HELLS: variants seen among roughly 807,000 people sequenced by gnomAD.
The protein encoded by HELLS is helicase, lymphoid specific, also known as lymphoid-specific helicase.
In HELLS, 32 loss-of-function variants were observed where a neutral mutation model predicts 120.0. That is an observed-to-expected ratio of 0.27 (90% confidence interval 0.20 to 0.36). The LOEUF (loss-of-function observed/expected upper bound fraction) is 0.36, where lower values mean the gene tolerates loss of function less well. HELLS is among the 10% of genes least tolerant of loss of function. HELLS has a pLI of 1.00. For synonymous variants in HELLS, 341 were observed against 323.4 expected (o/e 1.05, Z -0.58); for missense variants, 650 against 993.4 (o/e 0.65, Z 4.65).
intron 15 of HELLS, among the ~76,000 whole-genome samples, chr10:94,591,834 G>A (rs571114214): frequency 6.6e-6 from 1 of 152,296 alleles, no homozygotes; most frequent in South Asian, 2.1e-4. Context: ...TTACTTATCA[G>A]CTCCTGTATT....
chr10:94,560,954 G>A (rs888191628), intron 4 of HELLS, among the ~76,000 whole-genome samples: 6 of 151,700 alleles, frequency 4.0e-5, no homozygotes, highest in Non-Finnish European at 7.4e-5. Flanking sequence ...TACTCGGGAG[G>A]CTGACACAGG....
chr10:94,605,458 A>T (rs559608569), downstream of HELLS, among the ~76,000 whole-genome samples: 2 of 152,114 alleles, frequency 1.3e-5, no homozygotes, highest in Non-Finnish European at 2.9e-5. Context: ...TCCCAAGAAA[A>T]GAATTCAAGG....
chr10:94,575,769 G>A (rs1262188186), intron 9 of HELLS, among the ~76,000 whole-genome samples: 1 of 89,720 alleles, frequency 1.1e-5, no homozygotes. Flanking sequence ...GGGGGGTTGT[G>A]TTTGTGTGTG....
At chr10:94,565,631 A>C (rs1843754034) in intron 6 of HELLS, among the ~76,000 whole-genome samples, 2 of 152,322 alleles carry the variant, frequency 1.3e-5, no homozygotes, top group Admixed American at 1.3e-4. Flanking sequence ...CGGAGGTTGC[A>C]GTGAGCTGAG....
chr10:94,546,478 G>C lies in HELLS; in HGVS notation c.133G>C (p.Glu45Gln), dbSNP rs750048312. 2.5e-6 allele frequency: 4 copies of C among 1,614,124 alleles called. No individual in the cohort carries two copies. The highest frequency in any genetic ancestry group is 1.3e-5 in the African/African-American group (1 of 75,046). ...GCTTGAAGCTGCTGGACTAGAGAGA[G>C]AGCGGAAGATGCTGGAAAAGGTAAT... ...EQLEAAGLERERKMLEKARMS... is the reference protein window; with the variant it reads ...EQLEAAGLERQRKMLEKARMS... Residue 45 changes from glutamate to glutamine, a missense_variant, in exon 2 of 22, where the codon GAG (glutamate) becomes CAG (glutamine). Coordinates refer to ENST00000348459, the MANE Select transcript of HELLS (RefSeq NM_018063.5).
intron 13 of HELLS, 84 bp downstream of exon 13, chr10:94,588,474 C>T (rs777689292): frequency 8.1e-6 from 8 of 988,996 alleles, no homozygotes; most frequent in South Asian, 3.8e-5. Context: ...GAGAAGGTGT[C>T]GCTCTGTCAC....
At chr10:94,562,035 C>T (rs1351177343) in intron 4 of HELLS, among the ~76,000 whole-genome samples, 1 of 151,694 alleles carries the variant, frequency 6.6e-6, no homozygotes, top group African/African-American at 2.4e-5. Flanking sequence ...CCCGCCTCTG[C>T]CTCCCAAAGT....
chr10:94,556,667 G>A (rs142185834), intron 3 of HELLS, among the ~76,000 whole-genome samples: 12 of 152,124 alleles, frequency 7.9e-5, no homozygotes. Context: ...TGTTATTATA[G>A]GTTCATTTGC....
intron 21 of HELLS, among the ~76,000 whole-genome samples, chr10:94,600,181 C>T (rs1845958006): frequency 6.6e-6 from 1 of 151,908 alleles, no homozygotes; most frequent in Non-Finnish European, 1.5e-5. Context: ...ATCCCAGCTA[C>T]TCAGAAGGCT....
At chr10:94,575,527 C>T (rs1163805734) in intron 9 of HELLS, among the ~76,000 whole-genome samples, 1 of 151,680 alleles carries the variant, frequency 6.6e-6, no homozygotes, top group Non-Finnish European at 1.5e-5. Context: ...TGGAGTCTGT[C>T]TCTGTCACCA....
At chr10:94,554,070 AAAATT>A (rs1390906013) in intron 2 of HELLS, 51 bp from the exon 3 acceptor site, 1 of 1,489,738 alleles carries the variant, frequency 6.7e-7, no homozygotes, top group Non-Finnish European at 8.9e-7. Flanking sequence ...TTATGCCAAA[AAAATT>A]AAGGTATGTC....
At chr10:94,567,525 C>G (rs183597110) in intron 6 of HELLS, among the ~76,000 whole-genome samples, 1 of 152,028 alleles carries the variant, frequency 6.6e-6, no homozygotes, top group Non-Finnish European at 1.5e-5. Context: ...CTCGAACTCC[C>G]GATCTCAGGT....
downstream of HELLS, among the ~76,000 whole-genome samples, chr10:94,604,618 C>T (rs1049564155): frequency 6.6e-6 from 1 of 152,134 alleles, no homozygotes; most frequent in Non-Finnish European, 1.5e-5. Context: ...GCCTGCATTC[C>T]TACCACCTCT....
intron 8 of HELLS, among the ~76,000 whole-genome samples, chr10:94,607,145 C>T (rs1360260964): frequency 6.6e-6 from 1 of 152,108 alleles, no homozygotes; most frequent in Non-Finnish European, 1.5e-5. Flanking sequence ...GTGAGTTAGT[C>T]GTGACATTTC....
intron 6 of HELLS, among the ~76,000 whole-genome samples, chr10:94,567,965 A>C (rs1373154079): frequency 7.0e-6 from 1 of 142,596 alleles, no homozygotes; most frequent in East Asian, 2.1e-4. Flanking sequence ...GCTGGAATGC[A>C]GTGCTGCGAT....
At chr10:94,603,685 T>C (rs1846091722), downstream of HELLS, among the ~76,000 whole-genome samples, 1 of 152,220 alleles carries the variant, frequency 6.6e-6, no homozygotes, top group Non-Finnish European at 1.5e-5. Context: ...AATTTACTTC[T>C]TTTGCATTTT....
chr10:94,554,130 G>C lies in HELLS; in HGVS notation c.158G>C (p.Arg53Pro). Reference protein sequence around the residue: ...ERERKMLEKARMSWDRESTEI... With the variant: ...ERERKMLEKAPMSWDRESTEI... ...GGAAATTTTCTCTTTGGATAGGCTC[G>C]CATGTCTTGGGATAGAGAGTCGACA... The change falls in exon 3 of 22, where the codon CGC (arginine) becomes CCC (proline). Residue 53 changes from arginine (R) to proline (P), a missense_variant. Physicochemically the swap from Arg to Pro is moderately radical, Grantham distance 103 (BLOSUM62 -2). Around this residue, in one of 9 missense-constraint regions of HELLS, gnomAD observed 90 missense variants for 93.6 expected, o/e 0.96. Transcript: ENST00000348459. 1 of 1,546,426 alleles carries C rather than the reference G, an allele frequency of 6.5e-7. No individual in the cohort carries two copies. Among genetic ancestry groups the C allele is most frequent in the Non-Finnish European group, 8.7e-7 (1 of 1,148,868 alleles).
intron 21 of HELLS, among the ~76,000 whole-genome samples, chr10:94,601,229 C>A (rs924725554): frequency 1.3e-5 from 2 of 152,078 alleles, no homozygotes; most frequent in Non-Finnish European, 2.9e-5. Flanking sequence ...TTATTTATTG[C>A]TCTTTGACTT....
At chr10:94,546,027 G>T (rs1466322417) in intron 1 of HELLS, 75 bp downstream of exon 1, 3 of 1,507,936 alleles carry the variant, frequency 2.0e-6, no homozygotes, top group South Asian at 1.2e-5. Context: ...GGCTGCGGCG[G>T]AGTTTCGGGG....
Sources: allele counts gnomAD v4.1 joint callset (sites outside exome capture counted in the v4.1 genomes callset), GRCh38; gene constraint gnomAD v4.1.1; regional missense constraint gnomAD v4.1.1; transcripts MANE v1.5; gene names NCBI Gene and HGNC (gene_info 2026-07-23, HGNC 2026-07-21).